Variants in BBX observed in about 807,000 individuals in gnomAD.
The protein encoded by BBX is HMG box transcription factor BBX.
In BBX, 30 loss-of-function variants were observed where a neutral mutation model predicts 100.2. The ratio of observed to expected loss-of-function variants is 0.30; its 90% CI spans 0.22 to 0.41. The LOEUF (loss-of-function observed/expected upper bound fraction) is 0.41. Ranked by LOEUF, BBX falls within the 10% of genes least tolerant of loss-of-function variation. The pLI is 1.00. For synonymous variants in BBX, 376 were observed against 388.1 expected (o/e 0.97, Z 0.37); for missense variants, 1,023 against 1,129.8 (o/e 0.91, Z 1.35).
In BBX at chr3:107,801,199, A is replaced by G. The variant is rs1210533232; in HGVS notation, c.2656A>G (p.Ser886Gly). The change falls in exon 17 of 18, where the codon AGT (serine) becomes GGT (glycine). Residue 886 changes from serine to glycine, a missense_variant. Physicochemically the swap from Ser to Gly is moderately conservative, Grantham distance 56. Transcript: ENST00000325805. ...CACCGAGGTCGGGGAGACGCGGAGC[A>G]GTACTCCAGAAATGCCTGCCGTGTC... ...HNTEVGETRS[S>G]TPEMPAVSAF... 6.2e-7 allele frequency: 1 copy of G among 1,614,218 alleles called. No individual in the cohort carries two copies. The highest frequency in any genetic ancestry group is 8.5e-7 in the Non-Finnish European group (1 of 1,180,028).
At chr3:107,687,919 G>A (rs2059940033) in intron 3 of BBX, among the ~76,000 whole-genome samples, 1 of 152,120 alleles carries the variant, frequency 6.6e-6, no homozygotes, top group African/African-American at 2.4e-5. Context: ...GCAGGGCATG[G>A]TGGCACACAT....
At chr3:107,583,961 ATATTATATATAT>A (rs1391212066) in intron 2 of BBX, among the ~76,000 whole-genome samples, 2 of 69,686 alleles carry the variant, frequency 2.9e-5, no homozygotes, top group East Asian at 3.5e-4. Context: ...TATATTATAT[ATATTATATATAT>A]TATTATATTA....
chr3:107,686,006 C>G (rs1448070523), intron 3 of BBX, among the ~76,000 whole-genome samples: 1 of 152,124 alleles, frequency 6.6e-6, no homozygotes, highest in Admixed American at 6.6e-5. Flanking sequence ...CAGTTCATTT[C>G]AGAGGCGGAA....
At chr3:107,590,070 A>G (rs1014610455) in intron 2 of BBX, among the ~76,000 whole-genome samples, 4 of 152,156 alleles carry the variant, frequency 2.6e-5, no homozygotes, top group Non-Finnish European at 5.9e-5. Flanking sequence ...AATATGAACT[A>G]TTTCCCTTAA....
intron 13 of BBX, among the ~76,000 whole-genome samples, chr3:107,780,791 C>T (rs1176902798): frequency 6.6e-6 from 1 of 152,042 alleles, no homozygotes; most frequent in Admixed American, 6.6e-5. Context: ...ATGAAATTAT[C>T]ATACCAGCTG....
intron 17 of BBX, among the ~76,000 whole-genome samples, chr3:107,803,900 A>G (rs530173825): frequency 8.3e-5 from 12 of 145,044 alleles, no homozygotes; most frequent in Non-Finnish European, 1.2e-4. Context: ...TTTCACCCCA[A>G]TTTCTCTCTC....
intron 3 of BBX, among the ~76,000 whole-genome samples, chr3:107,649,279 A>G (rs867533823): frequency 3.3e-5 from 5 of 152,238 alleles, no homozygotes; most frequent in South Asian, 2.1e-4. Context: ...CACAGAGCCA[A>G]ACTATATCAA....
chr3:107,534,237 A>G (rs903502204), intron 2 of BBX, among the ~76,000 whole-genome samples: 1 of 152,210 alleles, frequency 6.6e-6, no homozygotes, highest in Non-Finnish European at 1.5e-5. Flanking sequence ...CTTATTAGCA[A>G]TGCTGATTCT....
chr3:107,674,211 T>C (rs1650022859), intron 3 of BBX, among the ~76,000 whole-genome samples: 1 of 152,194 alleles, frequency 6.6e-6, no homozygotes, highest in African/African-American at 2.4e-5. Context: ...AAATTCTGAC[T>C]ATGTAACTAA....
chr3:107,651,994 C>T (rs1018624068), intron 3 of BBX, among the ~76,000 whole-genome samples: 1 of 152,152 alleles, frequency 6.6e-6, no homozygotes, highest in African/African-American at 2.4e-5. Flanking sequence ...ACTAAGAACC[C>T]ATGACTGAAT....
At position 107,696,402 on chromosome 3, in the gene BBX, A is replaced by C. The variant is rs1441882217; in HGVS notation, c.-9-14050A>C. Among the ~76,000 whole-genome samples, 10 of 151,510 alleles carry C rather than the reference A, an allele frequency of 6.6e-5. 1 individual carries two copies. The highest frequency in any genetic ancestry group is 2.4e-4 in the African/African-American group (10 of 40,912). ...TTTTAGGGCAGGCCTGGTGGTGACA[A>C]AATCTCTCAGCATTTGCTTGTCTGT... On this transcript the variant is annotated intron_variant, in intron 3 of 17. Coordinates refer to ENST00000325805, the MANE Select transcript of BBX (RefSeq NM_001142568.3).
chr3:107,634,977 C>T (rs1480292304), intron 2 of BBX, among the ~76,000 whole-genome samples: 5 of 152,066 alleles, frequency 3.3e-5, no homozygotes, highest in Non-Finnish European at 7.4e-5. Context: ...CATGTGTGAC[C>T]ATATCACATA....
At chr3:107,791,131 T>C (rs113536607) in intron 14 of BBX, 109 bp from the exon 15 acceptor site, 1 of 812,474 alleles carries the variant, frequency 1.2e-6, no homozygotes, top group Non-Finnish European at 2.0e-6. Flanking sequence ...TCAGCTTTAT[T>C]TGTGTGATGT....
intron 2 of BBX, among the ~76,000 whole-genome samples, chr3:107,564,446 A>G (rs948014611): frequency 6.6e-6 from 1 of 152,164 alleles, no homozygotes; most frequent in Non-Finnish European, 1.5e-5. Flanking sequence ...TTTGAACTAT[A>G]AGAAACTCTT....
intron 5 of BBX, among the ~76,000 whole-genome samples, chr3:107,724,054 A>T (rs1180816364): frequency 6.6e-6 from 1 of 152,166 alleles, no homozygotes. Context: ...CTATTTCTCC[A>T]TATCCTATCC....
In BBX at chr3:107,785,089, A is replaced by G. The variant is rs572332834; in HGVS notation, c.2204-4698A>G. Among the ~76,000 whole-genome samples, 42 of 151,838 alleles carry G rather than the reference A, an allele frequency of 2.8e-4. 1 individual carries two copies. Among genetic ancestry groups the G allele is most frequent in the South Asian group, 4.2e-4 (2 of 4,818 alleles). ...AATGAACAATTCCTAAAAAGACACA[A>G]ACTACTGAAACTGGCTTAAGAAATA... On this transcript the variant is annotated intron_variant, in intron 13 of 17. Coordinates refer to ENST00000325805, the MANE Select transcript of BBX (RefSeq NM_001142568.3).
rs1235953595 is a variant in BBX, at chr3:107,806,176, T to C, written c.*719T>C. The stretch of plus-strand genomic sequence containing the variant: ...AACTCTTACAATCTGAATTTTTTTC[T>C]TAGCCTTGAGTGACCAAGAAGAATT... On this transcript the variant is annotated 3_prime_UTR_variant, in exon 18 of 18. Coordinates refer to ENST00000325805, the MANE Select transcript of BBX (RefSeq NM_001142568.3). The C allele has an allele frequency of 6.6e-6, 1 of 152,028 alleles. No homozygotes were observed. The highest frequency in any genetic ancestry group is 1.5e-5 in the Non-Finnish European group (1 of 67,990). The allele number at this position is 152,028 out of a possible 1,614,324, so 9.4% of individuals were successfully genotyped here.
intron 3 of BBX, among the ~76,000 whole-genome samples, chr3:107,666,988 G>A (rs1411392141): frequency 6.6e-6 from 1 of 152,198 alleles, no homozygotes; most frequent in African/African-American, 2.4e-5. Context: ...CAAGAAGCCA[G>A]ACTATCTGTG....
intron 3 of BBX, chr3:107,657,138 A>T (rs1312723931): frequency 6.6e-6 from 1 of 152,208 alleles, no homozygotes; most frequent in East Asian, 1.9e-4. Context: ...TAGACATTGG[A>T]AAGACTGGTT....
Sources: allele counts gnomAD v4.1 joint callset (sites outside exome capture counted in the v4.1 genomes callset), GRCh38; gene constraint gnomAD v4.1.1; transcripts MANE v1.5; gene names NCBI Gene and HGNC (gene_info 2026-07-23, HGNC 2026-07-21).